Variants in CTSB observed in about 807,000 individuals in gnomAD.
The protein encoded by CTSB is APP secretase.
Under a neutral mutation model 44.3 loss-of-function variants are expected in CTSB, and 57 were observed. The ratio of observed to expected loss-of-function variants is 1.29; its 90% CI spans 1.04 to 1.60. CTSB has a LOEUF of 1.60. Ranked by LOEUF, CTSB falls within the 40% of genes most tolerant of loss-of-function variation. The pLI is 0.00. For missense variants in CTSB, 768 were observed against 443.0 expected (o/e 1.73, Z -6.59); for synonymous variants, 320 against 168.0 (o/e 1.91, Z -7.00).
chr8:11,845,923 G>A lies in CTSB; in HGVS notation c.794-134C>T, dbSNP rs1231837650. On this transcript the variant is annotated intron_variant, in intron 8 of 9. Coordinates refer to ENST00000353047, the MANE Select transcript of CTSB (RefSeq NM_001908.5). ...AGGGAACCTGCTGCTCCACCAGGAGGCTCCAGGGGGGGTCCCACAATACTG... is the reference window on the plus strand; with the variant it reads ...AGGGAACCTGCTGCTCCACCAGGAGACTCCAGGGGGGGTCCCACAATACTG... 5 of 1,043,428 alleles carry A rather than the reference G, an allele frequency of 4.8e-6. No individual in the cohort carries two copies. In the Admixed American group the frequency reaches 1.3e-4, roughly 28 times the overall value. The allele number at this position is 1,043,428 out of a possible 1,614,324, so 64.6% of individuals were successfully genotyped here. A position where few individuals can be genotyped will look rare whatever the true frequency, so the allele number is the denominator to read the frequency against.
chr8:11,845,871 G>A (rs922869165), intron 8 of CTSB, 82 bp from the exon 9 acceptor site: 3 of 1,454,972 alleles, frequency 2.1e-6, no homozygotes, highest in Non-Finnish European at 2.7e-6. Context: ...AGCTGGTCAT[G>A]CTCCGGGAAG....
intron 3 of CTSB, among the ~76,000 whole-genome samples, chr8:11,851,761 G>A (rs1814634934): frequency 6.6e-6 from 1 of 151,280 alleles, no homozygotes; most frequent in Non-Finnish European, 1.5e-5. Context: ...CTGCCTCCCG[G>A]GTTCATGCGA....
At chr8:11,848,034 C>G (rs758830585) in intron 6 of CTSB, 33 bp downstream of exon 6, 3 of 1,531,028 alleles carry the variant, frequency 2.0e-6, no homozygotes, top group South Asian at 2.3e-5. Context: ...AACAATCCAT[C>G]TGGCCAGAAA....
chr8:11,847,658 G>GCCAGGCC (rs138997275), intron 7 of CTSB, 21 bp downstream of exon 7: 24 of 1,514,074 alleles, frequency 1.6e-5, no homozygotes, highest in East Asian at 9.4e-5. Context: ...GTGCGCCGTG[G>GCCAGGCC]CCAGGCCCCA....
intron 9 of CTSB, 133 bp downstream of exon 9, chr8:11,845,528 T>A: frequency 1.8e-6 from 2 of 1,102,094 alleles, no homozygotes; most frequent in East Asian, 5.2e-5. Flanking sequence ...GCCTGGCACT[T>A]AGGAGGAGCT....
chr8:11,855,906 T>C (rs1815425011), intron 1 of CTSB, among the ~76,000 whole-genome samples: 1 of 152,086 alleles, frequency 6.6e-6, no homozygotes, highest in Admixed American at 6.6e-5. Context: ...TAATCGCAGC[T>C]ACTTGGGAGG....
At chr8:11,863,374 A>C (rs1350035148) in intron 1 of CTSB, among the ~76,000 whole-genome samples, 2 of 151,814 alleles carry the variant, frequency 1.3e-5, no homozygotes, top group Admixed American at 1.3e-4. Context: ...CAGGAGAATC[A>C]CTTGAACCCG....
At chr8:11,851,117 G>A in intron 3 of CTSB, 137 bp from the exon 4 acceptor site, 1 of 512,260 alleles carries the variant, frequency 2.0e-6, no homozygotes, top group Non-Finnish European at 3.6e-6. Context: ...GCTGCAGACA[G>A]GTGTCCTTGG....
At chr8:11,845,831 G>A (rs1034894521) in intron 8 of CTSB, 42 bp from the exon 9 acceptor site, 1 of 1,571,576 alleles carries the variant, frequency 6.4e-7, no homozygotes, top group Non-Finnish European at 8.7e-7. Flanking sequence ...CCGGGCCACT[G>A]TCCCACGCCC....
At chr8:11,848,966 C>G (rs1813988760) in intron 5 of CTSB, 80 bp downstream of exon 5, 1 of 1,068,268 alleles carries the variant, frequency 9.4e-7, no homozygotes, top group Admixed American at 1.8e-5. Flanking sequence ...CCAGGAAGTC[C>G]TCAAAGTCCC....
At chr8:11,848,485 T>C in intron 5 of CTSB, 1 of 416,094 alleles carries the variant, frequency 2.4e-6, no homozygotes, top group Non-Finnish European at 4.6e-6. Context: ...TTCCCTAAGG[T>C]ACTTAAAAAC....
At chr8:11,846,992 T>G in intron 8 of CTSB, 60 bp downstream of exon 8, 1 of 877,694 alleles carries the variant, frequency 1.1e-6, no homozygotes, top group Non-Finnish European at 1.9e-6. Flanking sequence ...TGAACCATCC[T>G]GGCACCCAGG....
At position 11,845,491 on chromosome 8, in the gene CTSB, C is replaced by T. The variant is rs1048632553; in HGVS notation, c.922+170G>A. Reference sequence around the variant, plus strand: ...GGCTCTGAAGCTGCTCAGAGTCTGCCCTCACAGCAAAAGGGAACTCCTGAC... The same window carrying T: ...GGCTCTGAAGCTGCTCAGAGTCTGCTCTCACAGCAAAAGGGAACTCCTGAC... On this transcript the variant is annotated intron_variant, in intron 9 of 9. Coordinates refer to ENST00000353047, the MANE Select transcript of CTSB (RefSeq NM_001908.5). Among the ~76,000 whole-genome samples, 4 of 152,204 alleles carry T rather than the reference C, an allele frequency of 2.6e-5. No homozygotes were observed. In the East Asian group the frequency reaches 7.7e-4, roughly 29 times the overall value.
At position 11,845,235 on chromosome 8, in the gene CTSB, A is replaced by T; in HGVS notation, c.923-13T>A. ...ATTTTAAAGAAGCCTGGGAATAAAA[A>T]GTAAGGTGCTTTTAAAGTGTGACAA... is the stretch of plus-strand genomic sequence containing the variant. On this transcript the variant is annotated splice_polypyrimidine_tract_variant and intron_variant, in intron 9 of 9. Coordinates refer to ENST00000353047, the MANE Select transcript of CTSB (RefSeq NM_001908.5). 1 of 1,595,882 alleles carries T rather than the reference A, an allele frequency of 6.3e-7. No homozygotes were observed. The highest frequency in any genetic ancestry group is 8.6e-7 in the Non-Finnish European group (1 of 1,163,588).
At chr8:11,853,302 T>C (rs771789822) in intron 2 of CTSB, 27 bp downstream of exon 2, 2 of 1,611,576 alleles carry the variant, frequency 1.2e-6, no homozygotes, top group South Asian at 1.1e-5. Context: ...GGAGGGGACA[T>C]ACATAGGACG....
rs1179802900 is a variant in CTSB, at chr8:11,846,959, C to G, written c.793+93G>C. 6 of 737,598 alleles carry G rather than the reference C, an allele frequency of 8.1e-6. No homozygotes were observed. The East Asian group carries it at 1.6e-4, about 20-fold the overall frequency. The allele number at this position is 737,598 out of a possible 1,614,324, so 45.7% of individuals were successfully genotyped here. On this transcript the variant is annotated intron_variant, in intron 8 of 9. Transcript: ENST00000353047. ...TTCCCCAGCCCCTCACCTGCCTGCC[C>G]AATCCAGCCCTATTGGTCAACATGA...
chr8:11,845,682 T>G lies in CTSB; in HGVS notation c.901A>C (p.Asn301His). The G allele has an allele frequency of 6.2e-7, 1 of 1,613,866 alleles. No individual in the cohort carries two copies. Among genetic ancestry groups the G allele is most frequent in the Non-Finnish European group, 8.5e-7 (1 of 1,179,772 alleles). ...TPYWLVANSW[N>H]TDWGDNGFFK... ...TCACCATTGTCACCCCAGTCAGTGT[T>G]CCAGGAGTTGGCAACCAGCCAGTAG... The change falls in exon 9 of 10, where the codon AAC (asparagine) becomes CAC (histidine). Residue 301 changes from asparagine (N) to histidine (H), a missense_variant. Transcript: ENST00000353047.
At chr8:11,858,845 G>A (rs1330054927) in intron 1 of CTSB, among the ~76,000 whole-genome samples, 1 of 152,108 alleles carries the variant, frequency 6.6e-6, no homozygotes, top group Non-Finnish European at 1.5e-5. Context: ...TCTTTGCATG[G>A]GACAGCAACC....
At chr8:11,851,687 G>C (rs1485235566) in intron 3 of CTSB, among the ~76,000 whole-genome samples, 1 of 152,068 alleles carries the variant, frequency 6.6e-6, no homozygotes, top group Non-Finnish European at 1.5e-5. Context: ...AGAAGGCAGT[G>C]TCGTGCAACT....
Sources: allele counts gnomAD v4.1 joint callset (sites outside exome capture counted in the v4.1 genomes callset), GRCh38; gene constraint gnomAD v4.1.1; transcripts MANE v1.5; gene names NCBI Gene and HGNC (gene_info 2026-07-23, HGNC 2026-07-21).